Variants in DIP2C observed in about 807,000 individuals in gnomAD.
The protein encoded by DIP2C is disco-interacting protein 2 homolog C.
In DIP2C, 33 loss-of-function variants were observed where a neutral mutation model predicts 192.4. That is an observed-to-expected ratio of 0.17 (90% CI 0.13 to 0.23). The LOEUF (loss-of-function observed/expected upper bound fraction) is 0.23, where lower values mean the gene tolerates loss of function less well. DIP2C is among the 10% of genes least tolerant of loss of function. The pLI, the probability that DIP2C is intolerant of heterozygous loss-of-function variation, is 1.00. For synonymous variants in DIP2C, 979 were observed against 864.1 expected (o/e 1.13, Z -2.33); for missense variants, 1,537 against 2,110.1 (o/e 0.73, Z 5.32).
intron 1 of DIP2C, among the ~76,000 whole-genome samples, chr10:519,850 G>C (rs1846587279): frequency 6.6e-6 from 1 of 152,206 alleles, no homozygotes; most frequent in Non-Finnish European, 1.5e-5. Flanking sequence ...TCCTCTACTT[G>C]TTGCCATTGA....
chr10:478,830 C>T (rs189356208), intron 2 of DIP2C, among the ~76,000 whole-genome samples: 1 of 152,134 alleles, frequency 6.6e-6, no homozygotes. Context: ...CGTGTCCGGG[C>T]GTGCTGGGGG....
chr10:449,859 AAC>A (rs1589823140), intron 3 of DIP2C, among the ~76,000 whole-genome samples: 1 of 151,966 alleles, frequency 6.6e-6, no homozygotes, highest in Non-Finnish European at 1.5e-5. Context: ...TATTAATAAA[AAC>A]ACATACACAC....
intron 17 of DIP2C, among the ~76,000 whole-genome samples, chr10:376,075 C>T (rs1056802214): frequency 2.0e-5 from 3 of 152,222 alleles, no homozygotes; most frequent in African/African-American, 7.2e-5. Flanking sequence ...TACTATGTAC[C>T]AGGCGTGCTT....
In DIP2C at chr10:651,124, C is replaced by T. The variant is rs1172180554; in HGVS notation, c.85+38370G>A. 1.4e-6 allele frequency: 1 copy of T among 717,618 alleles called. No individual in the cohort carries two copies. Among genetic ancestry groups the T allele is most frequent in the Admixed American group, 2.0e-5 (1 of 50,024 alleles). The allele number at this position is 717,618 out of a possible 1,614,324, so 44.5% of individuals were successfully genotyped here. A position where few individuals can be genotyped will look rare whatever the true frequency, so the allele number is the denominator to read the frequency against. On this transcript the variant is annotated intron_variant, in intron 1 of 36. Transcript: ENST00000280886. This position sits in a 1 kb window ranked among gnomAD's most constrained non-coding sequence, Gnocchi z 4.1. ...TCTCCTGGCCAGCTCTCGCCACACT[C>T]AGTCAATGTCCACTGGGGGCCTCAG...
chr10:565,002 A>G (rs1340926839), intron 1 of DIP2C, among the ~76,000 whole-genome samples: 1 of 152,216 alleles, frequency 6.6e-6, no homozygotes. Context: ...GAAGATGAAG[A>G]GTAAACACTT....
At chr10:483,336 T>C (rs1448827250) in intron 2 of DIP2C, among the ~76,000 whole-genome samples, 1 of 152,228 alleles carries the variant, frequency 6.6e-6, no homozygotes, top group Non-Finnish European at 1.5e-5. Flanking sequence ...ACAAAGGAAG[T>C]CACGTCCCAT....
intron 17 of DIP2C, among the ~76,000 whole-genome samples, chr10:376,446 C>G (rs367569097): frequency 2.6e-5 from 4 of 151,606 alleles, no homozygotes; most frequent in African/African-American, 7.3e-5. Context: ...TTTGGGAACA[C>G]GCATTCCGGT....
At position 411,176 on chromosome 10, in the gene DIP2C, G is replaced by A. The variant is rs1430585543; in HGVS notation, c.1058-2159C>T. Among the ~76,000 whole-genome samples, 3 of 152,188 alleles carry A rather than the reference G, an allele frequency of 2.0e-5. No homozygotes were observed. The East Asian group carries it at 5.8e-4, about 29-fold the overall frequency. ...ATGTAGATTTCTTGAAACATCTGGAGTAAAAGGAAAACCATAAATAAAACG... is the reference window on the plus strand; with the variant it reads ...ATGTAGATTTCTTGAAACATCTGGAATAAAAGGAAAACCATAAATAAAACG... On this transcript the variant is annotated intron_variant, in intron 8 of 36. Transcript: ENST00000280886.
intron 3 of DIP2C, among the ~76,000 whole-genome samples, chr10:451,669 GTTT>G (rs1388730050): frequency 6.6e-6 from 1 of 152,140 alleles, no homozygotes; most frequent in Non-Finnish European, 1.5e-5. Flanking sequence ...ACAACGTATT[GTTT>G]TTTGTTCATT....
intron 5 of DIP2C, among the ~76,000 whole-genome samples, chr10:422,482 A>C (rs958681541): frequency 1.3e-5 from 2 of 152,118 alleles, no homozygotes; most frequent in Non-Finnish European, 2.9e-5. Flanking sequence ...CGTTTCCTTA[A>C]ATGACTCCCA....
intron 1 of DIP2C, among the ~76,000 whole-genome samples, chr10:590,721 G>A (rs940331718): frequency 2.0e-5 from 3 of 152,182 alleles, no homozygotes; most frequent in African/African-American, 7.2e-5. Context: ...CTTACCTAGT[G>A]CTAGAAAGCA....
intron 16 of DIP2C, among the ~76,000 whole-genome samples, chr10:383,352 C>T (rs1031949198): frequency 6.6e-6 from 1 of 152,176 alleles, no homozygotes; most frequent in Non-Finnish European, 1.5e-5. Context: ...CAAACATGAA[C>T]GTTGCATGTT....
intron 1 of DIP2C, among the ~76,000 whole-genome samples, chr10:621,518 ACT>A (rs1206341732): frequency 6.6e-6 from 1 of 151,946 alleles, no homozygotes; most frequent in Non-Finnish European, 1.5e-5. Flanking sequence ...GTGCACACAC[ACT>A]CTGCACATAC....
intron 3 of DIP2C, among the ~76,000 whole-genome samples, chr10:452,956 CAGTGTTGGATT>C (rs1968975252): frequency 1.3e-5 from 2 of 152,142 alleles, no homozygotes; most frequent in African/African-American, 4.8e-5. Context: ...AGGAAGGGGG[CAGTGTTGGATT>C]AACACACAGT....
chr10:658,260 GCTGGACCTGCCC>G (rs1212247088), intron 1 of DIP2C, among the ~76,000 whole-genome samples: 30 of 120,090 alleles, frequency 2.5e-4, no homozygotes, highest in East Asian at 8.0e-4. Flanking sequence ...TGGACCTGAT[GCTGGACCTGCCC>G]CTGGACCTGC....
chr10:591,063 A>G (rs922925662), intron 1 of DIP2C, among the ~76,000 whole-genome samples: 5 of 151,890 alleles, frequency 3.3e-5, no homozygotes, highest in African/African-American at 1.2e-4. Flanking sequence ...CTGTCACTAA[A>G]AAATGAAAGA....
At chr10:589,419 G>T (rs1171907794) in intron 1 of DIP2C, among the ~76,000 whole-genome samples, 1 of 152,168 alleles carries the variant, frequency 6.6e-6, no homozygotes, top group African/African-American at 2.4e-5. Context: ...AAGACCCAAG[G>T]TCTCGACGAT....
At chr10:593,779 G>A (rs1446335506) in intron 1 of DIP2C, among the ~76,000 whole-genome samples, 1 of 152,088 alleles carries the variant, frequency 6.6e-6, no homozygotes, top group Admixed American at 6.5e-5. Context: ...ATCCACATCC[G>A]TCTCCCCTCT....
At chr10:367,214 G>C (rs532669626) in intron 18 of DIP2C, among the ~76,000 whole-genome samples, 11 of 152,114 alleles carry the variant, frequency 7.2e-5, no homozygotes, top group Non-Finnish European at 1.2e-4. Flanking sequence ...TCAGGAGATC[G>C]AGACCATCCT....
Sources: gnomAD v4.1 joint callset for allele counts (sites outside exome capture counted in the v4.1 genomes callset) on GRCh38, gnomAD v4.1.1 for gene constraint, Gnocchi (gnomAD v3.1) non-coding constraint, MANE v1.5 for transcripts, NCBI Gene and HGNC (gene_info 2026-07-23, HGNC 2026-07-21) for gene names.